Variants in DDI2 observed in about 807,000 individuals in gnomAD.
DDI2 encodes protein DDI1 homolog 2.
Under a neutral mutation model 48.1 loss-of-function variants are expected in DDI2, and 5 were observed. That is an observed-to-expected ratio of 0.10 (90% CI 0.05 to 0.22). DDI2 has a LOEUF of 0.22. Among genes scored for constraint, DDI2 ranks in the 10% least tolerant of loss-of-function variants. The pLI is 1.00. For synonymous variants in DDI2, 205 were observed against 183.6 expected, an observed-to-expected ratio of 1.12 and a Z score of -0.94; for missense variants, 285 against 506.2, an observed-to-expected ratio of 0.56 and a Z score of 4.19.
At chr1:15,659,730 G>T (rs1028667932) in intron 9 of DDI2, 107 bp from the exon 10 acceptor site, 1 of 1,186,646 alleles carries the variant, frequency 8.4e-7, no homozygotes, top group South Asian at 2.2e-5. Context: ...ACCCGAGTTT[G>T]AGGACCTTAT....
rs956866801 is a variant in DDI2, at chr1:15,665,563, G to C, written c.*5773G>C. ...TCCGGTGAAAGCCATAAAAATTTAG[G>C]TTAACTTTTAAGCTCATGTCTATAT... On this transcript the variant is annotated 3_prime_UTR_variant, in exon 10 of 10. Transcript: ENST00000480945. 5.9e-5 allele frequency: 9 copies of C among 152,108 alleles called. No individual in the cohort carries two copies. Among genetic ancestry groups the C allele is most frequent in the African/African-American group, 2.2e-4 (9 of 41,418 alleles). 9.4% of individuals were successfully genotyped at this position (152,108 alleles called of 1,614,324 possible).
rs1371757332 is a variant in DDI2 at position 15,617,866 on chromosome 1, C to T, written c.138+58C>T. The stretch of plus-strand genomic sequence containing the variant: ...AGCTAAGCCCTCCCCGCCTCGGGGC[C>T]TCACTCCCTCCCTTTGCTACTGGTG... On this transcript the variant is annotated intron_variant, in intron 1 of 9. Transcript: ENST00000480945. 1.0e-5 allele frequency: 15 copies of T among 1,469,870 alleles called. No individual in the cohort carries two copies. In the East Asian group the frequency reaches 3.1e-4, roughly 31 times the overall value. 91.1% of individuals were successfully genotyped at this position (1,469,870 alleles called of 1,614,324 possible). A position where few individuals can be genotyped will look rare whatever the true frequency, so the allele number is the denominator to read the frequency against.
intron 2 of DDI2, 164 bp downstream of exon 2, chr1:15,626,962 T>A: frequency 1.1e-6 from 1 of 916,608 alleles, no homozygotes; most frequent in Non-Finnish European, 1.6e-6. Flanking sequence ...TTAATGTCTC[T>A]AAATTGGTTT....
intron 3 of DDI2, among the ~76,000 whole-genome samples, chr1:15,631,934 T>C (rs1415289423): frequency 2.0e-5 from 3 of 152,068 alleles, no homozygotes; most frequent in Non-Finnish European, 2.9e-5. Flanking sequence ...GTGTCCCAAG[T>C]AGCTGGGACT....
chr1:15,624,499 C>T lies in DDI2; in HGVS notation c.139-2170C>T, dbSNP rs576744973. On this transcript the variant is annotated intron_variant, in intron 1 of 9. Coordinates refer to ENST00000480945, the MANE Select transcript of DDI2 (RefSeq NM_032341.5). ...TTGTTTTTTAAGAGACAGGGTCTTA[C>T]TCTGTTGCCCCAGGCTGGAGTGCAG... Among the ~76,000 whole-genome samples the T allele has an allele frequency of 2.0e-5, 3 of 152,184 alleles. No individual in the cohort carries two copies. In the South Asian group the frequency reaches 6.2e-4, roughly 32 times the overall value.
chr1:15,644,737 G>T (rs1015032825), intron 6 of DDI2, among the ~76,000 whole-genome samples: 3 of 150,750 alleles, frequency 2.0e-5, no homozygotes, highest in African/African-American at 7.3e-5. Context: ...GGGACTACAG[G>T]CGCCCGCCAC....
At chr1:15,657,361 G>A (rs576638463) in intron 9 of DDI2, among the ~76,000 whole-genome samples, 1 of 152,342 alleles carries the variant, frequency 6.6e-6, no homozygotes, top group East Asian at 1.9e-4. Flanking sequence ...GAGTTTGCAA[G>A]CTGGTTGGAA....
intron 4 of DDI2, 54 bp from the exon 5 acceptor site, chr1:15,638,253 A>G (rs1639956163): frequency 1.9e-6 from 3 of 1,608,430 alleles, no homozygotes; most frequent in African/African-American, 2.7e-5. Context: ...TTTGAAACTG[A>G]TTTCTCTCCA....
intron 8 of DDI2, among the ~76,000 whole-genome samples, 190 bp downstream of exon 8, chr1:15,652,085 A>G (rs1640195367): frequency 4.3e-5 from 3 of 69,606 alleles, no homozygotes; most frequent in African/African-American, 1.1e-4. Context: ...TTTTTTTTGG[A>G]GACATTGTCT....
chr1:15,649,539 C>T (rs1475219999), intron 6 of DDI2, among the ~76,000 whole-genome samples, 181 bp from the exon 7 acceptor site: 1 of 151,908 alleles, frequency 6.6e-6, no homozygotes, highest in Non-Finnish European at 1.5e-5. Context: ...GGCGTGGTGG[C>T]ACATGCCTGT....
At chr1:15,649,696 C>T in intron 6 of DDI2, 24 bp from the exon 7 acceptor site, 10 of 1,602,468 alleles carry the variant, frequency 6.2e-6, no homozygotes, top group Non-Finnish European at 8.5e-6. Flanking sequence ...TAACAATAAC[C>T]TTTTCTCTTC....
intron 6 of DDI2, among the ~76,000 whole-genome samples, chr1:15,646,769 C>G (rs1449975267): frequency 1.3e-5 from 2 of 152,070 alleles, no homozygotes; most frequent in East Asian, 1.9e-4. Flanking sequence ...TAGATAAATG[C>G]ATGTGTTCAG....
Position 15,651,688 on chromosome 1 carries a change from T to G in DDI2, c.994-18T>G, listed in dbSNP as rs777645404. 4 of 1,585,420 alleles carry G rather than the reference T, an allele frequency of 2.5e-6. No individual in the cohort carries two copies. In the African/African-American group the frequency reaches 5.5e-5, roughly 22 times the overall value. The stretch of plus-strand genomic sequence containing the variant: ...TGGTGTTTTATCTGCTATTATTCTT[T>G]GGTTTCTTTCTTCCAAGTGTTCCAT... On this transcript the variant is annotated intron_variant, in intron 7 of 9. Transcript: ENST00000480945.
At position 15,661,585 on chromosome 1, in the gene DDI2, C is replaced by T. The variant is rs1236822766; in HGVS notation, c.*1795C>T. 1.9e-6 allele frequency: 3 copies of T among 1,614,066 alleles called. No individual in the cohort carries two copies. The highest frequency in any genetic ancestry group is 1.7e-6 in the Non-Finnish European group (2 of 1,180,048). On this transcript the variant is annotated 3_prime_UTR_variant, in exon 10 of 10. Transcript: ENST00000480945. ...TGCCATTCTTCCACCATTGATTTTT[C>T]CTGCCACAGATATTGACCGCATTCT...
At chr1:15,645,995 C>T (rs1350771909) in intron 6 of DDI2, among the ~76,000 whole-genome samples, 1 of 152,166 alleles carries the variant, frequency 6.6e-6, no homozygotes, top group Non-Finnish European at 1.5e-5. Context: ...AAAAGGCTGG[C>T]ATCTCAGTTG....
intron 5 of DDI2, among the ~76,000 whole-genome samples, chr1:15,638,900 A>G (rs1639966734): frequency 1.3e-5 from 2 of 152,000 alleles, no homozygotes; most frequent in Non-Finnish European, 2.9e-5. Flanking sequence ...TTTCTTAACC[A>G]GTTTTGTATT....
chr1:15,659,463 G>T (rs1640325199), intron 9 of DDI2, among the ~76,000 whole-genome samples: 1 of 152,130 alleles, frequency 6.6e-6, no homozygotes, highest in African/African-American at 2.4e-5. Flanking sequence ...TGGTTTTAGG[G>T]CAAGTGGTGA....
At chr1:15,652,272 T>C (rs1640198125) in intron 8 of DDI2, among the ~76,000 whole-genome samples, 1 of 151,480 alleles carries the variant, frequency 6.6e-6, no homozygotes, top group Non-Finnish European at 1.5e-5. Flanking sequence ...TGTCCAGGCC[T>C]ATCTCCAACT....
intron 2 of DDI2, chr1:15,627,012 C>G: frequency 1.7e-6 from 1 of 586,570 alleles, no homozygotes; most frequent in Admixed American, 3.2e-5. Flanking sequence ...ACCCCAACTC[C>G]TAAAGCTGAC....
Sources: allele counts gnomAD v4.1 joint callset (sites outside exome capture counted in the v4.1 genomes callset), GRCh38; gene constraint gnomAD v4.1.1; transcripts MANE v1.5; gene names NCBI Gene and HGNC (gene_info 2026-07-23, HGNC 2026-07-21).